PSMB9: variants seen among roughly 807,000 people sequenced by gnomAD.
The protein encoded by PSMB9 is proteasome subunit beta type-9.
Under a neutral mutation model 26.9 loss-of-function variants are expected in PSMB9, and 16 were observed. The observed-to-expected ratio is 0.59, with a 90% confidence interval of 0.40 to 0.90. PSMB9 has a LOEUF of 0.90. Among genes scored for constraint, PSMB9 ranks in the 40% least tolerant of loss-of-function variants. PSMB9 has a pLI of 0.00. For synonymous variants in PSMB9, 91 were observed against 112.0 expected, an observed-to-expected ratio of 0.81 and a Z score of 1.18; for missense variants, 253 against 292.2, an observed-to-expected ratio of 0.87 and a Z score of 0.98.
At position 32,859,442 on chromosome 6, in the gene PSMB9, G is replaced by A. The variant is rs145965388; in HGVS notation, c.570G>A (p.Gly190=). The change falls in exon 6 of 6, where the codon GGG becomes GGA. Residue 190 remains glycine (G), a synonymous_variant. Transcript: ENST00000374859. The part of the protein sequence containing the change: ...ALAMSRDGSS[G]GVIYLVTITA... ...CCATGAGCCGGGATGGCTCAAGCGGGGGTGTCATCTACCTGGTCACTATTA... is the reference window on the plus strand; with the variant it reads ...CCATGAGCCGGGATGGCTCAAGCGGAGGTGTCATCTACCTGGTCACTATTA... The A allele has an allele frequency of 2.0e-5, 32 of 1,613,504 alleles. No homozygotes were observed. The African/African-American group carries it at 3.7e-4, about 19-fold the overall frequency.
chr6:32,859,664 C>A lies in PSMB9; in HGVS notation c.*132C>A. ...TGGGTGCTTCCCTCCTAGATGTCAG[C>A]ATACACTCTTTCTTCTTTTGTCCCA... On this transcript the variant is annotated 3_prime_UTR_variant, in exon 6 of 6. Transcript: ENST00000374859. 1.9e-6 allele frequency: 2 copies of A among 1,027,972 alleles called. No individual in the cohort carries two copies. Among genetic ancestry groups the A allele is most frequent in the South Asian group, 1.8e-5 (1 of 56,610 alleles). 63.7% of individuals were successfully genotyped at this position (1,027,972 alleles called of 1,614,324 possible). A position where few individuals can be genotyped will look rare whatever the true frequency, so the allele number is the denominator to read the frequency against.
At chr6:32,857,212 A>AG (rs1343675553) in intron 2 of PSMB9, 51 bp from the exon 3 acceptor site, 1 of 1,516,318 alleles carries the variant, frequency 6.6e-7, no homozygotes, top group Non-Finnish European at 8.8e-7. Flanking sequence ...AAAAAAAAAA[A>AG]AAAAAAAAAC....
At chr6:32,857,055 C>T (rs1178277457) in intron 2 of PSMB9, 2 of 435,836 alleles carry the variant, frequency 4.6e-6, no homozygotes, top group Non-Finnish European at 8.0e-6. Context: ...CAAACATTAG[C>T]TGGGCTTGGT....
intron 2 of PSMB9, 52 bp downstream of exon 2, chr6:32,856,257 T>A: frequency 6.5e-7 from 1 of 1,540,714 alleles, no homozygotes; most frequent in Non-Finnish European, 9.0e-7. Flanking sequence ...TGGCCTCAAA[T>A]ACACACTTTC....
rs1321612928 is a variant in PSMB9, at chr6:32,855,003, G to T, written c.60+714G>T. Among the ~76,000 whole-genome samples the T allele has an allele frequency of 2.6e-5, 4 of 152,192 alleles. 1 individual carries two copies. Among genetic ancestry groups the T allele is most frequent in the Admixed American group, 2.6e-4 (4 of 15,292 alleles). ...GGACTACTGCCACCACTCGTGGCTTGGGGGCGGCTTTGTTAGAGAGGAATA... is the reference window on the plus strand; with the variant it reads ...GGACTACTGCCACCACTCGTGGCTTTGGGGCGGCTTTGTTAGAGAGGAATA... On this transcript the variant is annotated intron_variant, in intron 1 of 5. Transcript: ENST00000374859.
Position 32,858,445 on chromosome 6 carries a change from G to A in PSMB9, c.472G>A (p.Val158Met), listed in dbSNP as rs757504163. 1.2e-6 allele frequency: 2 copies of A among 1,613,036 alleles called. No homozygotes were observed. The highest frequency in any genetic ancestry group is 1.7e-6 in the Non-Finnish European group (2 of 1,180,038). Residue 158 changes from valine (V) to methionine (M), a missense_variant, in exon 5 of 6, where the codon GTG becomes ATG. Transcript: ENST00000374859. This position sits in a 1 kb window ranked among gnomAD's most constrained non-coding sequence, Gnocchi z 5.2. ...CGGCAGCACCTTTATCTATGGTTAT[G>A]TGGATGCAGCATATAAGCCAGGCAT... ...GSGSTFIYGY[V>M]DAAYKPGMSP...
At position 32,854,279 on chromosome 6, in the gene PSMB9, T is replaced by C; in HGVS notation, c.50T>C (p.Val17Ala). The C allele has an allele frequency of 6.6e-7, 1 of 1,514,926 alleles. No homozygotes were observed. The highest frequency in any genetic ancestry group is 8.8e-7 in the Non-Finnish European group (1 of 1,133,942). The allele number at this position is 1,514,926 out of a possible 1,614,324, so 93.8% of individuals were successfully genotyped here. A position where few individuals can be genotyped will look rare whatever the true frequency, so the allele number is the denominator to read the frequency against. ...PTGDLPRAGE[V>A]HTGTTIMAVE... ...GGGGACTTACCCCGGGCGGGAGAAG[T>C]CCACACCGGGGTAATGGGTCTGGGC... is the stretch of plus-strand genomic sequence containing the variant. The change falls in exon 1 of 6, where the codon GTC (valine) becomes GCC (alanine). Residue 17 changes from valine to alanine, a missense_variant. By Grantham distance (64) the Val-to-Ala change is moderately conservative. Transcript: ENST00000374859. The surrounding 1 kb of genome is among the most constrained non-coding windows in gnomAD (Gnocchi z 4.6).
Position 32,854,247 on chromosome 6 carries a change from A to C in PSMB9, c.18A>C (p.Ala6=). The C allele has an allele frequency of 6.5e-7, 1 of 1,539,890 alleles. No individual in the cohort carries two copies. The highest frequency in any genetic ancestry group is 1.2e-5 in the South Asian group (1 of 82,552). MLRAG[A]PTGDLPRAGE... is the part of the protein sequence containing the mutation. ...TTGCAGGGATGCTGCGGGCGGGAGC[A>C]CCAACCGGGGACTTACCCCGGGCGG... Residue 6 remains alanine (A), a synonymous_variant, in exon 1 of 6, where the codon GCA becomes GCC. Coordinates refer to ENST00000374859, the MANE Select transcript of PSMB9 (RefSeq NM_002800.5). The surrounding 1 kb of genome is among the most constrained non-coding windows in gnomAD (Gnocchi z 4.6).
In PSMB9 at chr6:32,854,423, C is replaced by G; in HGVS notation, c.60+134C>G. 1.3e-6 allele frequency: 1 copy of G among 783,790 alleles called. No homozygotes were observed. The highest frequency in any genetic ancestry group is 2.0e-6 in the Non-Finnish European group (1 of 509,506). The allele number at this position is 783,790 out of a possible 1,614,324, so 48.6% of individuals were successfully genotyped here. ...GGGAGGTCGCCTGTAGCAGCCAGCG[C>G]TTGCAACCCGCAATGAGCATAGAGT... On this transcript the variant is annotated intron_variant, in intron 1 of 5. Coordinates refer to ENST00000374859, the MANE Select transcript of PSMB9 (RefSeq NM_002800.5). The surrounding 1 kb of genome is among the most constrained non-coding windows in gnomAD (Gnocchi z 4.6).
intron 2 of PSMB9, 63 bp downstream of exon 2, chr6:32,856,268 C>CT: frequency 6.6e-7 from 1 of 1,505,284 alleles, no homozygotes; most frequent in Admixed American, 1.7e-5. Flanking sequence ...ACACACTTTC[C>CT]TTACCCATTC....
Position 32,859,481 on chromosome 6 carries a change from G to A in PSMB9, c.609G>A (p.Val203=). Residue 203 remains valine, a synonymous_variant, in exon 6 of 6, where the codon GTG becomes GTA. Coordinates refer to ENST00000374859, the MANE Select transcript of PSMB9 (RefSeq NM_002800.5). ...IYLVTITAAG[V]DHRVILGNEL... is the part of the protein sequence containing the mutation. ...TGGTCACTATTACAGCTGCCGGTGTGGACCATCGAGTCATCTTGGGCAATG... is the reference window on the plus strand; with the variant it reads ...TGGTCACTATTACAGCTGCCGGTGTAGACCATCGAGTCATCTTGGGCAATG... 1 of 1,613,632 alleles carries A rather than the reference G, an allele frequency of 6.2e-7. No individual in the cohort carries two copies. Among genetic ancestry groups the A allele is most frequent in the Non-Finnish European group, 8.5e-7 (1 of 1,179,888 alleles).
At chr6:32,857,537 C>A in intron 3 of PSMB9, 143 bp downstream of exon 3, 1 of 1,037,326 alleles carries the variant, frequency 9.6e-7, no homozygotes, top group Non-Finnish European at 1.3e-6. Flanking sequence ...TTGAATCTGT[C>A]AGTTTCTGCA....
chr6:32,854,237 G>C lies in PSMB9; in HGVS notation c.8G>C (p.Arg3Pro). 5 of 1,544,192 alleles carry C rather than the reference G, an allele frequency of 3.2e-6. No individual in the cohort carries two copies. The highest frequency in any genetic ancestry group is 4.4e-6 in the Non-Finnish European group (5 of 1,145,814). The part of the protein sequence containing the change: ML[R>P]AGAPTGDLPR... ...GAGCGGTGCCTTGCAGGGATGCTGC[G>C]GGCGGGAGCACCAACCGGGGACTTA... is the stretch of plus-strand genomic sequence containing the variant. Residue 3 changes from arginine to proline, a missense_variant, in exon 1 of 6, where the codon CGG (arginine) becomes CCG (proline). By Grantham distance (103) the Arg-to-Pro change is moderately radical. Transcript: ENST00000374859. The surrounding 1 kb of genome is among the most constrained non-coding windows in gnomAD (Gnocchi z 4.6).
intron 2 of PSMB9, 85 bp downstream of exon 2, chr6:32,856,290 G>T (rs55821731): frequency 7.3e-6 from 10 of 1,374,486 alleles, no homozygotes; most frequent in Non-Finnish European, 1.0e-5. Context: ...TGAAAAGACT[G>T]GCAAACTGGA....
chr6:32,859,045 C>T, intron 5 of PSMB9: 1 of 187,016 alleles, frequency 5.3e-6, no homozygotes, highest in Non-Finnish European at 1.0e-5. Flanking sequence ...GAGAGAGACC[C>T]TGTCTGGAGA....
intron 1 of PSMB9, 68 bp from the exon 2 acceptor site, chr6:32,856,070 C>A: frequency 7.0e-7 from 1 of 1,431,822 alleles, no homozygotes; most frequent in Non-Finnish European, 9.8e-7. Flanking sequence ...GGGAATGTTT[C>A]TTCTTCTCTA....
intron 2 of PSMB9, 183 bp downstream of exon 2, chr6:32,856,388 G>T: frequency 1.6e-6 from 1 of 621,062 alleles, no homozygotes. Flanking sequence ...TGTGGAGGAG[G>T]ATCTGGGGTC....
Position 32,857,992 on chromosome 6 carries a change from A to G in PSMB9, c.261-13A>G. 1 of 1,613,074 alleles carries G rather than the reference A, an allele frequency of 6.2e-7. No homozygotes were observed. The highest frequency in any genetic ancestry group is 8.5e-7 in the Non-Finnish European group (1 of 1,180,014). On this transcript the variant is annotated splice_polypyrimidine_tract_variant and intron_variant, in intron 3 of 5. Coordinates refer to ENST00000374859, the MANE Select transcript of PSMB9 (RefSeq NM_002800.5). Reference sequence around the variant, plus strand: ...AAAATTCTATCAACCTTTATTCCTAATATTTCCCTCAGGATAGAACTGGAG... The same window carrying G: ...AAAATTCTATCAACCTTTATTCCTAGTATTTCCCTCAGGATAGAACTGGAG...
At position 32,854,403 on chromosome 6, in the gene PSMB9, GT is replaced by G. The variant is rs1318899076; in HGVS notation, c.60+115del. 1.9e-6 allele frequency: 2 copies of G among 1,028,392 alleles called. No homozygotes were observed. The highest frequency in any genetic ancestry group is 6.1e-5 in the East Asian group (2 of 33,016). 63.7% of individuals were successfully genotyped at this position (1,028,392 alleles called of 1,614,324 possible). On this transcript the variant is annotated intron_variant, in intron 1 of 5. Transcript: ENST00000374859. This position sits in a 1 kb window ranked among gnomAD's most constrained non-coding sequence, Gnocchi z 4.6. The stretch of plus-strand genomic sequence containing the variant: ...CAGAGACCAACGGGAGCGCAGGGAG[GT>G]CGCCTGTAGCAGCCAGCGCTTGCAA...
Sources: allele counts gnomAD v4.1 joint callset (sites outside exome capture counted in the v4.1 genomes callset), GRCh38; gene constraint gnomAD v4.1.1; non-coding constraint Gnocchi (gnomAD v3.1); transcripts MANE v1.5; gene names NCBI Gene and HGNC (gene_info 2026-07-23, HGNC 2026-07-21).